SLC24A2: variants seen among roughly 807,000 people sequenced by gnomAD.
SLC24A2 encodes sodium/potassium/calcium exchanger 2.
SLC24A2 carries 36 observed loss-of-function variants against 62.0 expected under a neutral mutation model. That is an observed-to-expected ratio of 0.58 (90% CI 0.44 to 0.77). The LOEUF (loss-of-function observed/expected upper bound fraction) is 0.77, where lower values mean the gene tolerates loss of function less well. SLC24A2 is among the 30% of genes least tolerant of loss of function. SLC24A2 has a pLI of 0.00. For missense variants in SLC24A2, 846 were observed against 817.9 expected (o/e 1.03, Z -0.42); for synonymous variants, 358 against 294.0 (o/e 1.22, Z -2.23).
the SLC24A2 span, among the ~76,000 whole-genome samples, chr9:20,136,168 T>G: frequency 6.6e-6 from 1 of 152,288 alleles, no homozygotes; most frequent in East Asian, 1.9e-4. Context: ...GAGTGCTTCC[T>G]GGAGAACATA....
chr9:19,811,687 G>A, the SLC24A2 span, among the ~76,000 whole-genome samples: 38 of 152,016 alleles, frequency 2.5e-4, no homozygotes, highest in South Asian at 7.3e-3. Context: ...ATTAATTTTA[G>A]TCAAATATGG....
chr9:20,267,258 T>C, the SLC24A2 span, among the ~76,000 whole-genome samples: 1 of 152,190 alleles, frequency 6.6e-6, no homozygotes, highest in Non-Finnish European at 1.5e-5. Flanking sequence ...ATAGCAAATC[T>C]AGTTTTCACA....
At chr9:20,130,929 TC>T in the SLC24A2 span, among the ~76,000 whole-genome samples, 1 of 151,198 alleles carries the variant, frequency 6.6e-6, no homozygotes, top group Non-Finnish European at 1.5e-5. Context: ...AGACCCAGCC[TC>T]AGTAACCTGT....
chr9:19,905,595 T>C, the SLC24A2 span, among the ~76,000 whole-genome samples: 1 of 152,000 alleles, frequency 6.6e-6, no homozygotes, highest in Non-Finnish European at 1.5e-5. Context: ...GTATTTTTAG[T>C]AGAGACGGGG....
the SLC24A2 span, among the ~76,000 whole-genome samples, chr9:20,109,640 A>G: frequency 6.6e-6 from 1 of 152,182 alleles, no homozygotes; most frequent in African/African-American, 2.4e-5. Flanking sequence ...GAATACTGGG[A>G]AACTTTTGGA....
At chr9:20,026,366 A>G in the SLC24A2 span, among the ~76,000 whole-genome samples, 1 of 152,236 alleles carries the variant, frequency 6.6e-6, no homozygotes, top group Non-Finnish European at 1.5e-5. Flanking sequence ...TGATCATAAA[A>G]TGCTTCCCAC....
chr9:19,995,331 A>G, the SLC24A2 span, among the ~76,000 whole-genome samples: 1 of 152,174 alleles, frequency 6.6e-6, no homozygotes, highest in African/African-American at 2.4e-5. Context: ...AGTCTCTTTT[A>G]TAACACACAT....
chr9:20,300,474 A>G, the SLC24A2 span, among the ~76,000 whole-genome samples: 7 of 152,158 alleles, frequency 4.6e-5, no homozygotes, highest in Admixed American at 3.9e-4. Context: ...ATAGACTCTT[A>G]CTATTCTCCC....
the SLC24A2 span, among the ~76,000 whole-genome samples, chr9:20,171,892 C>T: frequency 1.3e-5 from 2 of 151,890 alleles, no homozygotes; most frequent in African/African-American, 4.8e-5. Context: ...AACATTCTAC[C>T]CAACAACCAC....
At chr9:19,953,903 A>G in the SLC24A2 span, among the ~76,000 whole-genome samples, 15 of 152,136 alleles carry the variant, frequency 9.9e-5, no homozygotes, top group Admixed American at 5.2e-4. Flanking sequence ...TCTAATACTG[A>G]AAATATTATC....
At chr9:20,026,750 G>A in the SLC24A2 span, among the ~76,000 whole-genome samples, 12 of 152,216 alleles carry the variant, frequency 7.9e-5, no homozygotes, top group South Asian at 1.2e-3. Flanking sequence ...GAAAAGCTCC[G>A]TGACATTGGT....
chr9:20,291,421 T>C, the SLC24A2 span, among the ~76,000 whole-genome samples: 3 of 152,142 alleles, frequency 2.0e-5, no homozygotes, highest in Admixed American at 2.0e-4. Flanking sequence ...ATCAGGGCCA[T>C]GTAATGGGAC....
chr9:19,659,277 C>T (rs1819026218), intron 2 of SLC24A2, among the ~76,000 whole-genome samples: 1 of 152,116 alleles, frequency 6.6e-6, no homozygotes, highest in Non-Finnish European at 1.5e-5. Context: ...GATTGATTCC[C>T]TTACAGGTTT....
At chr9:19,936,265 C>A in the SLC24A2 span, among the ~76,000 whole-genome samples, 2 of 152,128 alleles carry the variant, frequency 1.3e-5, 1 homozygote, top group African/African-American at 4.8e-5. Flanking sequence ...TGTTAGTTAT[C>A]TTCGATTTAT....
the SLC24A2 span, among the ~76,000 whole-genome samples, chr9:20,133,549 CTAAAT>C: frequency 6.6e-6 from 1 of 152,092 alleles, no homozygotes; most frequent in Admixed American, 6.6e-5. Context: ...TGCAGTTTCT[CTAAAT>C]TGTCAATTTT....
At chr9:20,167,441 C>A in the SLC24A2 span, among the ~76,000 whole-genome samples, 1 of 151,934 alleles carries the variant, frequency 6.6e-6, no homozygotes, top group African/African-American at 2.4e-5. Context: ...CCTGTGGGTT[C>A]AGCTGAAATT....
chr9:19,992,049 T>C, the SLC24A2 span, among the ~76,000 whole-genome samples: 2 of 152,236 alleles, frequency 1.3e-5, no homozygotes, highest in Non-Finnish European at 2.9e-5. Context: ...GGGCAGCATG[T>C]CTTATTCTGT....
the SLC24A2 span, among the ~76,000 whole-genome samples, chr9:20,000,561 C>T: frequency 2.6e-5 from 4 of 152,204 alleles, no homozygotes; most frequent in Non-Finnish European, 5.9e-5. Flanking sequence ...AATAGACCAC[C>T]TGGCAACAAA....
intron 7 of SLC24A2, among the ~76,000 whole-genome samples, chr9:19,559,663 GC>G (rs544758450): frequency 6.6e-6 from 1 of 151,930 alleles, no homozygotes; most frequent in African/African-American, 2.4e-5. Context: ...AATGAAAGGT[GC>G]CCCCCCAGAA....
Sources: allele counts gnomAD v4.1 joint callset (sites outside exome capture counted in the v4.1 genomes callset), GRCh38; gene constraint gnomAD v4.1.1; transcripts MANE v1.5; gene names NCBI Gene and HGNC (gene_info 2026-07-23, HGNC 2026-07-21).